Variants in GALNT18 observed in about 807,000 individuals in gnomAD.
GALNT18 encodes the protein GalNAc-transferase 18.
Under a neutral mutation model 69.5 loss-of-function variants are expected in GALNT18, and 44 were observed. The observed-to-expected ratio is 0.63, with a 90% CI of 0.50 to 0.81. The LOEUF (loss-of-function observed/expected upper bound fraction) is 0.81. Ranked by LOEUF, GALNT18 falls within the 40% of genes least tolerant of loss-of-function variation. The pLI is 0.00. For missense variants in GALNT18, 715 were observed against 810.0 expected (o/e 0.88, Z 1.42); for synonymous variants, 364 against 318.2 (o/e 1.14, Z -1.53).
rs1247663550 is a variant in GALNT18 at position 11,505,032 on chromosome 11, G to A, written c.236-56096C>T. On this transcript the variant is annotated intron_variant, in intron 1 of 10. Coordinates refer to ENST00000227756, the MANE Select transcript of GALNT18 (RefSeq NM_198516.3). This position sits in a 1 kb window ranked among gnomAD's most constrained non-coding sequence, Gnocchi z 4.6. Reference sequence around the variant, plus strand: ...ACTGCAACATCAAAGTGTTGGAAGCGCTAGAACCCAGATATGTACAAAGTG... The same window carrying A: ...ACTGCAACATCAAAGTGTTGGAAGCACTAGAACCCAGATATGTACAAAGTG... Among the ~76,000 whole-genome samples the A allele has an allele frequency of 1.3e-5, 2 of 152,156 alleles. No homozygotes were observed. The highest frequency in any genetic ancestry group is 6.5e-5 in the Admixed American group (1 of 15,278).
At position 11,538,792 on chromosome 11, in the gene GALNT18, C is replaced by T. The variant is rs974613042; in HGVS notation, c.235+82567G>A. 2.2e-4 allele frequency among the ~76,000 whole-genome samples: 34 copies of T among 152,262 alleles called. No individual in the cohort carries two copies. Among genetic ancestry groups the T allele is most frequent in the South Asian group, 2.1e-4 (1 of 4,824 alleles). On this transcript the variant is annotated intron_variant, in intron 1 of 10. Transcript: ENST00000227756. This position sits in a 1 kb window ranked among gnomAD's most constrained non-coding sequence, Gnocchi z 5.2. ...CCCCAGGGCCTGCACATCGCAGGCC[C>T]GCTGATCTCCTTACTCCTGCTGCTG...
intron 9 of GALNT18, among the ~76,000 whole-genome samples, chr11:11,311,072 T>C (rs1022890983): frequency 3.9e-5 from 6 of 152,138 alleles, no homozygotes; most frequent in African/African-American, 7.2e-5. Flanking sequence ...TGGGGATGTT[T>C]TGGTCTTGTA....
At chr11:11,331,972 A>G (rs1421231086) in intron 8 of GALNT18, among the ~76,000 whole-genome samples, 2 of 152,084 alleles carry the variant, frequency 1.3e-5, no homozygotes, top group Admixed American at 6.5e-5. Flanking sequence ...GACAGAAAAT[A>G]CATTTTCTGT....
chr11:11,482,647 G>A (rs1311269825), intron 1 of GALNT18, among the ~76,000 whole-genome samples: 1 of 152,198 alleles, frequency 6.6e-6, no homozygotes, highest in Non-Finnish European at 1.5e-5. Flanking sequence ...TGTGCCGGTG[G>A]GAAATCAGAA....
At chr11:11,599,333 T>C (rs1007419445) in intron 1 of GALNT18, among the ~76,000 whole-genome samples, 2 of 152,150 alleles carry the variant, frequency 1.3e-5, no homozygotes, top group Admixed American at 6.5e-5. Context: ...TTGATCCTTT[T>C]ATCATTATAA....
chr11:11,418,318 T>C (rs1380530963), intron 3 of GALNT18, among the ~76,000 whole-genome samples: 1 of 152,172 alleles, frequency 6.6e-6, no homozygotes, highest in African/African-American at 2.4e-5. Flanking sequence ...TGGGGAGAAA[T>C]ACTGAAAAAA....
Position 11,497,859 on chromosome 11 carries a change from T to C in GALNT18, c.236-48923A>G, listed in dbSNP as rs1856899096. On this transcript the variant is annotated intron_variant, in intron 1 of 10. Coordinates refer to ENST00000227756, the MANE Select transcript of GALNT18 (RefSeq NM_198516.3). This position sits in a 1 kb window ranked among gnomAD's most constrained non-coding sequence, Gnocchi z 4.2. Reference sequence around the variant, plus strand: ...TTTGGTGTAAGGCCAAGGCTTCTATTTGAGCTGTGTCTCCAGATTGGAGTT... The same window carrying C: ...TTTGGTGTAAGGCCAAGGCTTCTATCTGAGCTGTGTCTCCAGATTGGAGTT... 6.6e-6 allele frequency among the ~76,000 whole-genome samples: 1 copy of C among 152,072 alleles called. No individual in the cohort carries two copies. The highest frequency in any genetic ancestry group is 1.9e-4 in the East Asian group (1 of 5,204).
chr11:11,310,706 G>A (rs1849657970), intron 9 of GALNT18, among the ~76,000 whole-genome samples: 1 of 152,158 alleles, frequency 6.6e-6, no homozygotes, highest in Admixed American at 6.5e-5. Flanking sequence ...TATTAAGACA[G>A]TGCTAACCTC....
rs1367482159 is a variant in GALNT18, at chr11:11,341,475, GA to G, written c.1093-472del. ...GACAAGAATTAGTGATCACCACAGA[GA>G]AGGGTGTCACCAGACACCCTTCTTC... is the stretch of plus-strand genomic sequence containing the variant. On this transcript the variant is annotated intron_variant, in intron 6 of 10. Coordinates refer to ENST00000227756, the MANE Select transcript of GALNT18 (RefSeq NM_198516.3). This position sits in a 1 kb window ranked among gnomAD's most constrained non-coding sequence, Gnocchi z 6.3. Among the ~76,000 whole-genome samples, 2 of 152,262 alleles carry G rather than the reference GA, an allele frequency of 1.3e-5. No individual in the cohort carries two copies. Among genetic ancestry groups the G allele is most frequent in the Admixed American group, 6.5e-5 (1 of 15,302 alleles).
chr11:11,364,270 A>G (rs1850706408), intron 6 of GALNT18, among the ~76,000 whole-genome samples: 1 of 152,262 alleles, frequency 6.6e-6, no homozygotes, highest in African/African-American at 2.4e-5. Context: ...CCCCTAAGGA[A>G]TTACTGAATC....
rs1850422886 is a variant in GALNT18 at position 11,352,169 on chromosome 11, C to G, written c.1093-11165G>C. On this transcript the variant is annotated intron_variant, in intron 6 of 10. Transcript: ENST00000227756. ...TGTAGAAATAGGGGTGCTCCATGGCCTCTCTTGCAGTAAGCCGTGACTGGT... is the reference window on the plus strand; with the variant it reads ...TGTAGAAATAGGGGTGCTCCATGGCGTCTCTTGCAGTAAGCCGTGACTGGT... 5.6e-6 allele frequency: 9 copies of G among 1,613,508 alleles called. No individual in the cohort carries two copies. In the African/African-American group the frequency reaches 8.0e-5, roughly 14 times the overall value.
At chr11:11,308,627 G>T (rs1293559721) in intron 9 of GALNT18, among the ~76,000 whole-genome samples, 1 of 152,082 alleles carries the variant, frequency 6.6e-6, no homozygotes. Context: ...ATTCAAGGTG[G>T]AGTTGACACT....
chr11:11,399,559 C>T (rs978943776), intron 3 of GALNT18, among the ~76,000 whole-genome samples: 12 of 152,142 alleles, frequency 7.9e-5, no homozygotes, highest in African/African-American at 2.9e-4. Flanking sequence ...ACAACAACAG[C>T]AAGAATGACT....
At chr11:11,462,333 G>A (rs1216752851) in intron 1 of GALNT18, among the ~76,000 whole-genome samples, 1 of 150,632 alleles carries the variant, frequency 6.6e-6, no homozygotes, top group Admixed American at 6.6e-5. Flanking sequence ...CTGGAGTGCA[G>A]TGGCATGATC....
intron 3 of GALNT18, among the ~76,000 whole-genome samples, chr11:11,380,683 G>T (rs1189927305): frequency 6.6e-6 from 1 of 152,226 alleles, no homozygotes; most frequent in Non-Finnish European, 1.5e-5. Flanking sequence ...GGGTGCATGT[G>T]CAGGTGCTTG....
intron 1 of GALNT18, among the ~76,000 whole-genome samples, chr11:11,520,652 G>A (rs1167643120): frequency 6.6e-6 from 1 of 152,154 alleles, no homozygotes; most frequent in Non-Finnish European, 1.5e-5. Flanking sequence ...CACACCTCTG[G>A]GAGCAGGAGA....
intron 5 of GALNT18, among the ~76,000 whole-genome samples, chr11:11,374,679 C>T (rs948827401): frequency 6.6e-5 from 10 of 152,224 alleles, no homozygotes; most frequent in Non-Finnish European, 1.3e-4. Flanking sequence ...TAAGTGGATT[C>T]TATCAGCATG....
At chr11:11,434,688 T>C (rs1389552605) in intron 2 of GALNT18, among the ~76,000 whole-genome samples, 1 of 151,898 alleles carries the variant, frequency 6.6e-6, no homozygotes, top group Non-Finnish European at 1.5e-5. Context: ...GTGCTGTGGC[T>C]GGAGAGGAGG....
intron 1 of GALNT18, among the ~76,000 whole-genome samples, chr11:11,615,330 T>A (rs1197645746): frequency 1.3e-5 from 2 of 152,206 alleles, no homozygotes; most frequent in Admixed American, 6.5e-5. Context: ...CAACCTGCTG[T>A]TACTGACCTG....
Sources: allele counts gnomAD v4.1 joint callset (sites outside exome capture counted in the v4.1 genomes callset), GRCh38; gene constraint gnomAD v4.1.1; non-coding constraint Gnocchi (gnomAD v3.1); transcripts MANE v1.5; gene names NCBI Gene and HGNC (gene_info 2026-07-23, HGNC 2026-07-21).